Variants in ERP27 observed in about 807,000 individuals in gnomAD.
The protein encoded by ERP27 is endoplasmic reticulum resident protein 27.
In ERP27, 23 loss-of-function variants were observed where a neutral mutation model predicts 27.7. The observed-to-expected ratio is 0.83, with a 90% CI of 0.60 to 1.18. ERP27 has a LOEUF of 1.18. ERP27 is among the 50% of genes most tolerant of loss of function. The pLI is 0.00. For missense variants in ERP27, 363 were observed against 327.9 expected, an observed-to-expected ratio of 1.11 and a Z score of -0.83; for synonymous variants, 159 against 118.3, an observed-to-expected ratio of 1.34 and a Z score of -2.23.
chr12:14,928,983 C>T (rs1022867501), intron 3 of ERP27: 15 of 1,535,246 alleles, frequency 9.8e-6, no homozygotes, highest in Non-Finnish European at 1.3e-5. Context: ...ATACTTAAGG[C>T]TTTGCTATTG....
In ERP27 at chr12:14,922,784, C is replaced by T. The variant is rs754712708; in HGVS notation, c.334-1736G>A. ...CATTTTTCTTACTTCTTAAAATGGA[C>T]GCTAAGGTAGGCCAGGTGCGGTGGC... is the stretch of plus-strand genomic sequence containing the variant. On this transcript the variant is annotated intron_variant, in intron 3 of 6. Transcript: ENST00000266397. 5.9e-5 allele frequency among the ~76,000 whole-genome samples: 9 copies of T among 152,092 alleles called. No homozygotes were observed. In the East Asian group the frequency reaches 9.6e-4, roughly 16 times the overall value.
intron 2 of ERP27, among the ~76,000 whole-genome samples, chr12:14,935,974 A>G (rs1478970306): frequency 6.6e-6 from 1 of 152,088 alleles, no homozygotes; most frequent in Non-Finnish European, 1.5e-5. Flanking sequence ...CACCTCCCTC[A>G]GGCTCCCAAA....
intron 5 of ERP27, among the ~76,000 whole-genome samples, chr12:14,916,539 A>C (rs909738183): frequency 6.6e-6 from 1 of 152,208 alleles, no homozygotes; most frequent in African/African-American, 2.4e-5. Context: ...TTCAACCCAA[A>C]GTAGAAATCT....
At chr12:14,924,541 A>G (rs747303155) in intron 3 of ERP27, among the ~76,000 whole-genome samples, 24 of 152,076 alleles carry the variant, frequency 1.6e-4, no homozygotes, top group Non-Finnish European at 2.9e-4. Context: ...AGCGTTTGTT[A>G]TTTTTTGTCT....
At chr12:14,931,434 A>T (rs1217621630) in intron 3 of ERP27, among the ~76,000 whole-genome samples, 1 of 151,832 alleles carries the variant, frequency 6.6e-6, no homozygotes, top group Non-Finnish European at 1.5e-5. Context: ...TAAAGTTTTG[A>T]AAGTGTAAAC....
chr12:14,924,465 A>G (rs1478598792), intron 3 of ERP27, among the ~76,000 whole-genome samples: 1 of 152,210 alleles, frequency 6.6e-6, no homozygotes, highest in East Asian at 1.9e-4. Flanking sequence ...ACTGTTTTCC[A>G]TAATGGCTAT....
intron 3 of ERP27, among the ~76,000 whole-genome samples, chr12:14,924,364 T>TATTG (rs1863564479): frequency 2.0e-5 from 3 of 152,206 alleles, no homozygotes; most frequent in Admixed American, 6.5e-5. Flanking sequence ...CTCGACATAC[T>TATTG]ATTGATTTCA....
At chr12:14,935,492 G>A (rs1863760830) in intron 2 of ERP27, among the ~76,000 whole-genome samples, 1 of 152,164 alleles carries the variant, frequency 6.6e-6, no homozygotes, top group African/African-American at 2.4e-5. Flanking sequence ...GAGTTATATA[G>A]TTTTTAAAAC....
intron 3 of ERP27, among the ~76,000 whole-genome samples, chr12:14,932,814 A>C (rs189284743): frequency 1.3e-5 from 2 of 152,370 alleles, no homozygotes; most frequent in Non-Finnish European, 2.9e-5. Flanking sequence ...TCAAGATAGA[A>C]GATACAACTG....
intron 3 of ERP27, among the ~76,000 whole-genome samples, chr12:14,933,825 C>T (rs1863733531): frequency 6.6e-6 from 1 of 152,158 alleles, no homozygotes; most frequent in African/African-American, 2.4e-5. Context: ...TCTTCCTCTT[C>T]TTTAATTTCT....
At position 14,914,716 on chromosome 12, in the gene ERP27, A is replaced by T; in HGVS notation, c.*19T>A. The stretch of plus-strand genomic sequence containing the variant: ...TTGCATAAAGTAGATACTTGGCCAT[A>T]TGTAGTTCCAAGGAGAAGTCAGAGT... On this transcript the variant is annotated 3_prime_UTR_variant, in exon 7 of 7. Coordinates refer to ENST00000266397, the MANE Select transcript of ERP27 (RefSeq NM_152321.4). The T allele has an allele frequency of 6.2e-7, 1 of 1,610,122 alleles. No homozygotes were observed. The highest frequency in any genetic ancestry group is 1.3e-5 in the African/African-American group (1 of 74,846).
At chr12:14,930,376 T>A (rs1863680055) in intron 3 of ERP27, among the ~76,000 whole-genome samples, 1 of 152,206 alleles carries the variant, frequency 6.6e-6, no homozygotes, top group Non-Finnish European at 1.5e-5. Flanking sequence ...TTCATTACTA[T>A]CCCATTAGGT....
At chr12:14,936,659 T>A (rs1437439478) in intron 2 of ERP27, among the ~76,000 whole-genome samples, 1 of 151,992 alleles carries the variant, frequency 6.6e-6, no homozygotes, top group Non-Finnish European at 1.5e-5. Context: ...ATGGGGGCAG[T>A]TTCCCCCATG....
chr12:14,921,040 A>T lies in ERP27; in HGVS notation c.342T>A (p.Asn114Lys), dbSNP rs1863495296. The T allele has an allele frequency of 6.2e-7, 1 of 1,613,162 alleles. No homozygotes were observed. Among genetic ancestry groups the T allele is most frequent in the Non-Finnish European group, 8.5e-7 (1 of 1,179,148 alleles). ...CTTCGTCCTCTAAATTCAGTTGTTC[A>T]TTGTCTACCTGGATAACACAAAAAA... ...NTICLFRLVD[N>K]EQLNLEDEDI... The change falls in exon 4 of 7, where the codon AAT becomes AAA. Residue 114 changes from asparagine to lysine, a missense_variant. Transcript: ENST00000266397.
chr12:14,926,596 A>G (rs1354561487), intron 3 of ERP27, among the ~76,000 whole-genome samples: 1 of 152,064 alleles, frequency 6.6e-6, no homozygotes, highest in Non-Finnish European at 1.5e-5. Context: ...GGCTTTAATT[A>G]TTCTCTCAGG....
chr12:14,936,144 A>C (rs540018709), intron 2 of ERP27, among the ~76,000 whole-genome samples: 9 of 152,312 alleles, frequency 5.9e-5, no homozygotes, highest in Admixed American at 2.6e-4. Flanking sequence ...TGTGGATGAA[A>C]GGAAAAAATG....
rs754660698 is a variant in ERP27, at chr12:14,938,433, C to T, written c.76G>A (p.Glu26Lys). The T allele has an allele frequency of 6.5e-5, 105 of 1,614,048 alleles. No individual in the cohort carries two copies. The highest frequency in any genetic ancestry group is 7.9e-5 in the Non-Finnish European group (93 of 1,180,018). The change falls in exon 1 of 7, where the codon GAA (glutamate) becomes AAA (lysine). Residue 26 changes from glutamate to lysine, a missense_variant. Transcript: ENST00000266397. ...CTTTTACCTGAGGATTTCTCAACTT[C>T]TGCAGCAACTTCTGCAGCCAGCTCA... ...TCELAAEVAA[E>K]VEKSSDGPGA...
chr12:14,938,392 A>C (rs200276190), intron 1 of ERP27, 23 bp downstream of exon 1: 7 of 1,611,142 alleles, frequency 4.3e-6, no homozygotes, highest in Admixed American at 1.7e-5. Flanking sequence ...CACTATAGCC[A>C]CCCAACTACA....
At chr12:14,916,394 T>C (rs1863412383) in intron 5 of ERP27, among the ~76,000 whole-genome samples, 1 of 152,186 alleles carries the variant, frequency 6.6e-6, no homozygotes, top group Non-Finnish European at 1.5e-5. Context: ...TCTCCGAGAC[T>C]CAGTTTTCTC....
Sources: gnomAD v4.1 joint callset for allele counts (sites outside exome capture counted in the v4.1 genomes callset) on GRCh38, gnomAD v4.1.1 for gene constraint, MANE v1.5 for transcripts, NCBI Gene and HGNC (gene_info 2026-07-23, HGNC 2026-07-21) for gene names.